The following TBC1D14 variants were observed in gnomAD, a reference collection of about 807,000 sequenced individuals.
TBC1D14 encodes TBC1 domain family, member 14.
In TBC1D14, 26 loss-of-function variants were observed where a neutral mutation model predicts 79.0. The observed-to-expected ratio is 0.33, with a 90% confidence interval of 0.24 to 0.46. TBC1D14 has a LOEUF of 0.46. Among genes scored for constraint, TBC1D14 ranks in the 20% least tolerant of loss-of-function variants. The pLI, the probability that TBC1D14 is intolerant of heterozygous loss-of-function variation, is 1.00. For synonymous variants in TBC1D14, 394 were observed against 349.9 expected, an observed-to-expected ratio of 1.13 and a Z score of -1.40; for missense variants, 769 against 887.6, an observed-to-expected ratio of 0.87 and a Z score of 1.70.
chr4:7,013,971 G>A (rs976736680), intron 11 of TBC1D14, among the ~76,000 whole-genome samples: 1 of 152,088 alleles, frequency 6.6e-6, no homozygotes, highest in Admixed American at 6.6e-5. Flanking sequence ...GGATGGTCTC[G>A]ATCTCCTGAC....
intron 1 of TBC1D14, among the ~76,000 whole-genome samples, chr4:6,914,038 G>A (rs1335483710): frequency 3.3e-5 from 5 of 151,888 alleles, no homozygotes; most frequent in Non-Finnish European, 7.4e-5. Flanking sequence ...TACTCAGGAT[G>A]CTGAGGTGGG....
intron 1 of TBC1D14, among the ~76,000 whole-genome samples, chr4:6,916,045 G>A (rs1397819996): frequency 6.6e-6 from 1 of 151,252 alleles, no homozygotes; most frequent in Non-Finnish European, 1.5e-5. Context: ...AGAATTGCTT[G>A]AACCCAGGAG....
Position 7,030,488 on chromosome 4 carries a change from G to C in TBC1D14, c.*96G>C, listed in dbSNP as rs1327748269. Reference sequence around the variant, plus strand: ...GACACCCGGGCAGCCGAGAAGAACAGACGCTCTTTAAGTTTGATTCCTAAC... The same window carrying C: ...GACACCCGGGCAGCCGAGAAGAACACACGCTCTTTAAGTTTGATTCCTAAC... On this transcript the variant is annotated 3_prime_UTR_variant, in exon 14 of 14. Coordinates refer to ENST00000409757, the MANE Select transcript of TBC1D14 (RefSeq NM_020773.3). 6.2e-6 allele frequency: 8 copies of C among 1,294,040 alleles called. No individual in the cohort carries two copies. Among genetic ancestry groups the C allele is most frequent in the Non-Finnish European group, 8.8e-6 (8 of 906,624 alleles). The allele number at this position is 1,294,040 out of a possible 1,614,324, so 80.2% of individuals were successfully genotyped here.
intron 3 of TBC1D14, chr4:6,987,524 C>G (rs1717987212): frequency 5.9e-6 from 3 of 510,868 alleles, no homozygotes; most frequent in Non-Finnish European, 9.3e-6. Flanking sequence ...CCTCAACAGC[C>G]GAAGCTTGCT....
At chr4:6,921,339 G>A (rs963853570) in intron 1 of TBC1D14, among the ~76,000 whole-genome samples, 17 of 151,792 alleles carry the variant, frequency 1.1e-4, no homozygotes, top group Non-Finnish European at 2.1e-4. Context: ...CTTTCAAGTA[G>A]CTAGGACCAC....
At chr4:6,926,829 G>A (rs1577469554) in intron 2 of TBC1D14, among the ~76,000 whole-genome samples, 1 of 152,240 alleles carries the variant, frequency 6.6e-6, no homozygotes, top group Non-Finnish European at 1.5e-5. Context: ...GGCATCGTGA[G>A]TCTTTGCTGA....
rs562587440 is a variant in TBC1D14, at chr4:6,965,008, T to G, written c.723-2296T>G. Among the ~76,000 whole-genome samples, 26 of 152,362 alleles carry G rather than the reference T, an allele frequency of 1.7e-4. 1 individual carries two copies. In the East Asian group the frequency reaches 2.5e-3, roughly 15 times the overall value. On this transcript the variant is annotated intron_variant, in intron 2 of 13. Coordinates refer to ENST00000409757, the MANE Select transcript of TBC1D14 (RefSeq NM_020773.3). ...GTAAGTTTGAGATACCATGTCTGTT[T>G]ACCCTTAAATATATCAGCATATTTC... is the stretch of plus-strand genomic sequence containing the variant.
At chr4:6,989,322 G>C (rs1207219427) in intron 3 of TBC1D14, among the ~76,000 whole-genome samples, 3 of 152,230 alleles carry the variant, frequency 2.0e-5, no homozygotes, top group African/African-American at 7.2e-5. Flanking sequence ...AACGTGTTGA[G>C]ACCTTCAAAT....
intron 2 of TBC1D14, among the ~76,000 whole-genome samples, chr4:6,961,578 A>G (rs1029152828): frequency 3.9e-5 from 6 of 152,116 alleles, no homozygotes; most frequent in Non-Finnish European, 7.3e-5. Context: ...GGGCAGAGGG[A>G]GCAGCCTGTG....
chr4:6,911,193 T>G (rs1245846738), intron 1 of TBC1D14, among the ~76,000 whole-genome samples: 1 of 152,198 alleles, frequency 6.6e-6, no homozygotes, highest in Non-Finnish European at 1.5e-5. Context: ...GCTTCTTTGC[T>G]GTGTGTTTGA....
chr4:7,027,545 TCAC>T (rs2108751202), intron 13 of TBC1D14, among the ~76,000 whole-genome samples: 1 of 119,336 alleles, frequency 8.4e-6, no homozygotes, highest in South Asian at 3.0e-4. Context: ...ACATACACAA[TCAC>T]CACACACCAC....
In TBC1D14 at chr4:7,018,720, G is replaced by A. The variant is rs77334973; in HGVS notation, c.1757+4163G>A. 3.1e-3 allele frequency among the ~76,000 whole-genome samples: 465 copies of A among 152,306 alleles called. 8 individuals are homozygous for A. In the East Asian group the frequency reaches 0.05, roughly 17 times the overall value. The stretch of plus-strand genomic sequence containing the variant: ...TTAATTGTGGCTTGCCACTCCTCCC[G>A]ATGAGGCATGTGGATCAGAGCAGGG... On this transcript the variant is annotated intron_variant, in intron 12 of 13. Transcript: ENST00000409757.
intron 2 of TBC1D14, among the ~76,000 whole-genome samples, chr4:6,964,424 C>T (rs1490232997): frequency 6.6e-6 from 1 of 152,196 alleles, no homozygotes; most frequent in African/African-American, 2.4e-5. Flanking sequence ...TTCCTGACTG[C>T]AGTTTCCCAG....
chr4:6,909,564 G>A (rs1722790705), upstream of TBC1D14: 1 of 151,778 alleles, frequency 6.6e-6, no homozygotes, highest in South Asian at 2.1e-4. Flanking sequence ...GCCCGCTCAA[G>A]GCAGCTCCTC....
At chr4:6,925,101 T>C (rs1724183357) in intron 2 of TBC1D14, among the ~76,000 whole-genome samples, 1 of 152,136 alleles carries the variant, frequency 6.6e-6, no homozygotes, top group East Asian at 1.9e-4. Flanking sequence ...GAGACCAGTC[T>C]GGCCAACATG....
chr4:6,945,958 C>G (rs4689566), intron 2 of TBC1D14, among the ~76,000 whole-genome samples: 134,897 of 151,962 alleles, frequency 0.89, 59,955 homozygotes, highest in East Asian at 0.97. Flanking sequence ...GTGAAACCTG[C>G]GCCTCAGGAT....
At chr4:6,922,186 TG>T (rs1723922836) in intron 1 of TBC1D14, among the ~76,000 whole-genome samples, 1 of 152,186 alleles carries the variant, frequency 6.6e-6, no homozygotes, top group South Asian at 2.1e-4. Flanking sequence ...TCAGAGTACC[TG>T]GGACTGCAGG....
intron 13 of TBC1D14, among the ~76,000 whole-genome samples, chr4:7,030,116 G>C (rs907803617): frequency 1.3e-5 from 2 of 152,206 alleles, no homozygotes; most frequent in African/African-American, 4.8e-5. Flanking sequence ...AAGGAGTGCA[G>C]CTAGCTCACC....
intron 12 of TBC1D14, among the ~76,000 whole-genome samples, chr4:7,023,664 G>T (rs1292162404): frequency 1.3e-5 from 2 of 152,208 alleles, no homozygotes; most frequent in African/African-American, 2.4e-5. Flanking sequence ...GAGCGTGGGC[G>T]TTGGAGTCAG....
Sources: allele counts gnomAD v4.1 joint callset (sites outside exome capture counted in the v4.1 genomes callset), GRCh38; gene constraint gnomAD v4.1.1; transcripts MANE v1.5; gene names NCBI Gene and HGNC (gene_info 2026-07-23, HGNC 2026-07-21).